The following EP300 variants were observed in gnomAD, a reference collection of about 807,000 sequenced individuals.
EP300 encodes the protein histone acetyltransferase p300.
In EP300, 31 loss-of-function variants were observed where a neutral mutation model predicts 264.0. The observed-to-expected ratio is 0.12, with a 90% CI of 0.09 to 0.16. EP300 has a LOEUF of 0.16. Among genes scored for constraint, EP300 ranks in the 10% least tolerant of loss-of-function variants. EP300 has a pLI of 1.00. For synonymous variants in EP300, 1,340 were observed against 1,045.4 expected (o/e 1.28, Z -5.44); for missense variants, 2,766 against 3,052.9 (o/e 0.91, Z 2.21).
intron 1 of EP300, among the ~76,000 whole-genome samples, chr22:41,094,803 T>C (rs1327485457): frequency 6.6e-6 from 1 of 152,198 alleles, no homozygotes; most frequent in Non-Finnish European, 1.5e-5. Flanking sequence ...ACTTGGAACG[T>C]AGGGGAAACT....
At chr22:41,125,149 C>T (rs1481855414) in intron 2 of EP300, among the ~76,000 whole-genome samples, 1 of 129,350 alleles carries the variant, frequency 7.7e-6, no homozygotes, top group Non-Finnish European at 1.6e-5. Flanking sequence ...GATGGAGTCT[C>T]ACTCTGTCGC....
rs1202263674 is a variant in EP300 at position 41,154,594 on chromosome 22, A to AC, written c.3143-401_3143-400insC. ...AGGTTTCACCATGTTGGCCAGGCTG[A>AC]AACTTCTGACCTCAAAGTGATCTGC... On this transcript the variant is annotated intron_variant, in intron 16 of 30. Coordinates refer to ENST00000263253, the MANE Select transcript of EP300 (RefSeq NM_001429.4). Among the ~76,000 whole-genome samples, 7 of 151,986 alleles carry AC rather than the reference A, an allele frequency of 4.6e-5. No homozygotes were observed. In the East Asian group the frequency reaches 1.4e-3, roughly 29 times the overall value.
At position 41,092,818 on chromosome 22, in the gene EP300, C is replaced by A. The variant is rs976850610; in HGVS notation, c.-187C>A. ...CCCCTCGCACTTGCCCTTACCTTTT[C>A]TATCGAGTCCGCATCCCTCTCCAGC... On this transcript the variant is annotated 5_prime_UTR_variant, in exon 1 of 31. Coordinates refer to ENST00000263253, the MANE Select transcript of EP300 (RefSeq NM_001429.4). 7.2e-6 allele frequency: 5 copies of A among 696,724 alleles called. No individual in the cohort carries two copies. The highest frequency in any genetic ancestry group is 1.3e-5 in the Non-Finnish European group (5 of 387,304). The allele number at this position is 696,724 out of a possible 1,614,324, so 43.2% of individuals were successfully genotyped here. A position where few individuals can be genotyped will look rare whatever the true frequency, so the allele number is the denominator to read the frequency against.
intron 14 of EP300, 148 bp from the exon 15 acceptor site, chr22:41,151,685 T>C: frequency 2.5e-6 from 2 of 793,538 alleles, no homozygotes; most frequent in Non-Finnish European, 4.3e-6. Context: ...GGAGGTGAAA[T>C]GGGCAGAGCA....
rs533563820 is a variant in EP300 at position 41,179,524 on chromosome 22, A to G, written c.*568A>G. ...GGGTGCAAAGATGTTCATTCTTTTA[A>G]AAAATGTTTAAAAAAAAAAAAAAAC... On this transcript the variant is annotated 3_prime_UTR_variant, in exon 31 of 31. Coordinates refer to ENST00000263253, the MANE Select transcript of EP300 (RefSeq NM_001429.4). 10 of 170,666 alleles carry G rather than the reference A, an allele frequency of 5.9e-5. No individual in the cohort carries two copies. In the South Asian group the frequency reaches 2.3e-3, roughly 39 times the overall value. The allele number at this position is 170,666 out of a possible 1,614,324, so 10.6% of individuals were successfully genotyped here. A position where few individuals can be genotyped will look rare whatever the true frequency, so the allele number is the denominator to read the frequency against.
rs1268191227 is a variant in EP300, at chr22:41,168,550, G to A, written c.3976G>A (p.Val1326Ile). 2 of 1,614,206 alleles carry A rather than the reference G, an allele frequency of 1.2e-6. No homozygotes were observed. The highest frequency in any genetic ancestry group is 1.7e-6 in the Non-Finnish European group (2 of 1,180,022). ...GTCAGGAGAGGTCACTGTTAGAGTA[G>A]TTCATGCTTCTGACAAAACCGTGGA... ...PESGEVTVRV[V>I]HASDKTVEVK... Residue 1326 changes from valine to isoleucine, a missense_variant, in exon 24 of 31, where the codon GTT (valine) becomes ATT (isoleucine). Transcript: ENST00000263253.
intron 26 of EP300, 83 bp from the exon 27 acceptor site, chr22:41,170,323 C>A (rs976859025): frequency 7.5e-7 from 1 of 1,341,280 alleles, no homozygotes; most frequent in Non-Finnish European, 1.1e-6. Flanking sequence ...GTATCTATAT[C>A]AACTCCAACT....
At chr22:41,134,383 G>A (rs565252873) in intron 6 of EP300, among the ~76,000 whole-genome samples, 1 of 151,992 alleles carries the variant, frequency 6.6e-6, no homozygotes, top group South Asian at 2.1e-4. Context: ...GTGTGTGTGA[G>A]ATTGGTCTCA....
At chr22:41,175,107 A>G (rs2059192753) in intron 29 of EP300, among the ~76,000 whole-genome samples, 1 of 152,248 alleles carries the variant, frequency 6.6e-6, no homozygotes, top group Non-Finnish European at 1.5e-5. Context: ...TCAAGCAGTA[A>G]GTAATGCCAC....
intron 1 of EP300, among the ~76,000 whole-genome samples, chr22:41,116,545 T>G (rs2058822550): frequency 6.6e-6 from 1 of 152,222 alleles, no homozygotes; most frequent in Admixed American, 6.5e-5. Flanking sequence ...GAACTCATCC[T>G]TTTTTATGGC....
chr22:41,117,438 G>A lies in EP300; in HGVS notation c.346G>A (p.Gly116Ser), dbSNP rs1320689399. 6.2e-7 allele frequency: 1 copy of A among 1,614,180 alleles called. No individual in the cohort carries two copies. Among genetic ancestry groups the A allele is most frequent in the Non-Finnish European group, 8.5e-7 (1 of 1,180,010 alleles). ...SQAQQSSPGL[G>S]LINSMVKSPM... ...GGCCCAACAGAGCAGTCCTGGATTA[G>A]GTTTGATAAATAGCATGGTCAAAAG... The change falls in exon 2 of 31, where the codon GGT (glycine) becomes AGT (serine). Residue 116 changes from glycine (G) to serine (S), a missense_variant. Transcript: ENST00000263253.
At chr22:41,146,170 T>G (rs986567495) in intron 10 of EP300, among the ~76,000 whole-genome samples, 1 of 151,106 alleles carries the variant, frequency 6.6e-6, no homozygotes, top group African/African-American at 2.4e-5. Flanking sequence ...CCTCAATTTT[T>G]TTTTTTTTTT....
chr22:41,160,378 T>C (rs536787074), intron 19 of EP300: 95 of 430,270 alleles, frequency 2.2e-4, no homozygotes, highest in Admixed American at 6.3e-4. Flanking sequence ...TGTTTTTTTT[T>C]CTCCCTCATG....
In EP300 at chr22:41,117,444, A is replaced by G; in HGVS notation, c.352A>G (p.Ile118Val). The G allele has an allele frequency of 6.2e-7, 1 of 1,614,164 alleles. No homozygotes were observed. The highest frequency in any genetic ancestry group is 8.5e-7 in the Non-Finnish European group (1 of 1,179,970). Residue 118 changes from isoleucine to valine, a missense_variant, in exon 2 of 31, where the codon ATA (isoleucine) becomes GTA (valine). Physicochemically the swap from Ile to Val is conservative, Grantham distance 29. Coordinates refer to ENST00000263253, the MANE Select transcript of EP300 (RefSeq NM_001429.4). ...ACAGAGCAGTCCTGGATTAGGTTTG[A>G]TAAATAGCATGGTCAAAAGCCCAAT... Reference protein sequence around the residue: ...AQQSSPGLGLINSMVKSPMTQ... With the variant: ...AQQSSPGLGLVNSMVKSPMTQ...
Position 41,141,098 on chromosome 22 carries a change from A to G in EP300, c.1929A>G (p.Glu643=), listed in dbSNP as rs1452218762. ...LAEKIYKIQK[E]LEEKRRTRLQ... ...AGAAAATCTATAAGATCCAGAAAGA[A>G]CTAGAAGAAAAACGAAGGACCAGAC... The change falls in exon 10 of 31, where the codon GAA becomes GAG. Residue 643 remains glutamate, a synonymous_variant. Transcript: ENST00000263253. 1.9e-6 allele frequency: 3 copies of G among 1,614,202 alleles called. No homozygotes were observed. The highest frequency in any genetic ancestry group is 2.2e-5 in the South Asian group (2 of 91,084).
chr22:41,146,557 T>C (rs914483197), intron 10 of EP300, 182 bp from the exon 11 acceptor site: 2 of 624,902 alleles, frequency 3.2e-6, no homozygotes, highest in African/African-American at 3.7e-5. Context: ...GAGGCATTTT[T>C]CTGTATTCCA....
chr22:41,095,129 A>G (rs915439062), intron 1 of EP300, among the ~76,000 whole-genome samples: 13 of 151,818 alleles, frequency 8.6e-5, no homozygotes, highest in African/African-American at 3.1e-4. Context: ...TCTTTGGTGT[A>G]CGGTTTTTAA....
At chr22:41,098,100 T>A (rs1452470093) in intron 1 of EP300, among the ~76,000 whole-genome samples, 1 of 152,138 alleles carries the variant, frequency 6.6e-6, no homozygotes, top group East Asian at 1.9e-4. Context: ...CTGCACCCAT[T>A]AACTCGTCAT....
chr22:41,128,397 G>T (rs2058895565), intron 4 of EP300, among the ~76,000 whole-genome samples: 1 of 151,976 alleles, frequency 6.6e-6, no homozygotes, highest in Non-Finnish European at 1.5e-5. Flanking sequence ...GAGGGCAGGG[G>T]TTGGTGTGAT....
Sources: gnomAD v4.1 joint callset for allele counts (sites outside exome capture counted in the v4.1 genomes callset) on GRCh38, gnomAD v4.1.1 for gene constraint, MANE v1.5 for transcripts, NCBI Gene and HGNC (gene_info 2026-07-23, HGNC 2026-07-21) for gene names.